The following ARSB variants were observed in gnomAD, a reference collection of about 807,000 sequenced individuals.
ARSB encodes the protein N-acetylgalactosamine-4-sulfatase.
ARSB carries 41 observed loss-of-function variants against 50.9 expected under a neutral mutation model. That is an observed-to-expected ratio of 0.81 (90% CI 0.63 to 1.04). The LOEUF is 1.04. Among genes scored for constraint, ARSB ranks in the 50% least tolerant of loss-of-function variants. The probability of loss-of-function intolerance (pLI) is 0.00; values close to 1 mark genes in which losing one functional copy is unlikely to be tolerated. For synonymous variants in ARSB, 269 were observed against 284.8 expected (o/e 0.94, Z 0.56); for missense variants, 672 against 693.3 (o/e 0.97, Z 0.35).
intron 4 of ARSB, among the ~76,000 whole-genome samples, chr5:78,944,689 C>G (rs1050617451): frequency 4.6e-5 from 7 of 152,344 alleles, no homozygotes; most frequent in African/African-American, 1.7e-4. Flanking sequence ...TCTGCCCCTA[C>G]AAGGGGGTGC....
chr5:78,852,955 C>T (rs570110827), intron 5 of ARSB, among the ~76,000 whole-genome samples: 3,126 of 152,216 alleles, frequency 0.021, 106 homozygotes, highest in African/African-American at 0.069. Context: ...GTTATACATT[C>T]GTCTAAATTT....
chr5:78,820,584 A>G (rs916339152), intron 6 of ARSB, among the ~76,000 whole-genome samples: 4 of 152,288 alleles, frequency 2.6e-5, no homozygotes, highest in Admixed American at 1.3e-4. Flanking sequence ...AAATCATGTA[A>G]ATATACACTG....
chr5:78,856,376 C>T (rs1746143389), intron 5 of ARSB, among the ~76,000 whole-genome samples: 1 of 152,080 alleles, frequency 6.6e-6, no homozygotes, highest in African/African-American at 2.4e-5. Context: ...TAATGGCTTC[C>T]CCTTGAAAAC....
intron 6 of ARSB, among the ~76,000 whole-genome samples, chr5:78,797,184 G>C (rs902833820): frequency 1.3e-5 from 2 of 152,062 alleles, no homozygotes; most frequent in South Asian, 2.1e-4. Flanking sequence ...GGCAGGTCTC[G>C]ATCTCTTGAC....
At chr5:78,819,596 C>G (rs1327268854) in intron 6 of ARSB, among the ~76,000 whole-genome samples, 1 of 152,226 alleles carries the variant, frequency 6.6e-6, no homozygotes, top group Admixed American at 6.5e-5. Flanking sequence ...TGTGCCCTGA[C>G]TAGGTGATGC....
At chr5:78,797,870 G>A (rs1373942944) in intron 6 of ARSB, among the ~76,000 whole-genome samples, 1 of 152,188 alleles carries the variant, frequency 6.6e-6, no homozygotes, top group African/African-American at 2.4e-5. Flanking sequence ...CAGGGAGGAG[G>A]ATGGAATTCT....
intron 4 of ARSB, among the ~76,000 whole-genome samples, chr5:78,901,020 T>A (rs1310811702): frequency 7.5e-6 from 1 of 132,940 alleles, no homozygotes; most frequent in Non-Finnish European, 1.5e-5. Flanking sequence ...CCCTCCAGCC[T>A]GGCGACAGAG....
chr5:78,962,239 C>T (rs1752017238), intron 3 of ARSB, among the ~76,000 whole-genome samples: 1 of 152,164 alleles, frequency 6.6e-6, no homozygotes, highest in Non-Finnish European at 1.5e-5. Flanking sequence ...AAGACTTTAC[C>T]TTGTTAAGTG....
intron 4 of ARSB, among the ~76,000 whole-genome samples, chr5:78,921,710 T>C (rs1259287166): frequency 7.2e-5 from 11 of 152,200 alleles, no homozygotes; most frequent in African/African-American, 1.9e-4. Flanking sequence ...CAACATGCTC[T>C]TGAATAACCA....
At chr5:78,916,130 A>C (rs1206894372) in intron 4 of ARSB, among the ~76,000 whole-genome samples, 2 of 152,212 alleles carry the variant, frequency 1.3e-5, no homozygotes, top group African/African-American at 4.8e-5. Flanking sequence ...AAAATATCCA[A>C]GATACTTACA....
intron 5 of ARSB, among the ~76,000 whole-genome samples, chr5:78,882,613 G>A (rs750277382): frequency 2.6e-5 from 4 of 152,074 alleles, no homozygotes; most frequent in African/African-American, 7.2e-5. Flanking sequence ...AATGTGCAGT[G>A]ACTGAAATAG....
chr5:78,949,287 C>G (rs892079821), intron 4 of ARSB, among the ~76,000 whole-genome samples: 1 of 152,130 alleles, frequency 6.6e-6, no homozygotes, highest in Non-Finnish European at 1.5e-5. Flanking sequence ...TAATCCAACA[C>G]CAGGAAGCTA....
chr5:78,981,948 G>A (rs1372294072), intron 1 of ARSB, among the ~76,000 whole-genome samples: 2 of 23,128 alleles, frequency 8.6e-5, no homozygotes, highest in African/African-American at 1.3e-4. Flanking sequence ...ACGGAGTCTC[G>A]CTCTGTCGCC....
At chr5:78,909,943 C>G (rs1403563246) in intron 4 of ARSB, among the ~76,000 whole-genome samples, 2 of 152,224 alleles carry the variant, frequency 1.3e-5, no homozygotes, top group African/African-American at 4.8e-5. Flanking sequence ...AAAAGCCGCC[C>G]TGTGGCGGGA....
At chr5:78,815,576 G>A (rs1743957620) in intron 6 of ARSB, 1 of 987,308 alleles carries the variant, frequency 1.0e-6, no homozygotes, top group South Asian at 4.6e-5. Context: ...ACATTTTCCT[G>A]AAGATGGCTT....
In ARSB at chr5:78,985,220, G is replaced by A. The variant is rs757310157; in HGVS notation, c.29C>T (p.Pro10Leu). The change falls in exon 1 of 8, where the codon CCC (proline) becomes CTC (leucine). Residue 10 changes from proline to leucine, a missense_variant. Transcript: ENST00000264914. ...CAGCCGCCGAGGTCCGGGGCCTCGG[G>A]GCAAGCTCGCCGCGCCGCGCGGACC... MGPRGAASL[P>L]RGPGPRRLLL... is the part of the protein sequence containing the mutation. 39 of 1,339,156 alleles carry A rather than the reference G, an allele frequency of 2.9e-5. No homozygotes were observed. Among genetic ancestry groups the A allele is most frequent in the Middle Eastern group, 2.7e-4 (1 of 3,684 alleles). The allele number at this position is 1,339,156 out of a possible 1,614,324, so 83.0% of individuals were successfully genotyped here.
At chr5:78,977,266 G>T (rs568116613) in intron 1 of ARSB, among the ~76,000 whole-genome samples, 1 of 150,936 alleles carries the variant, frequency 6.6e-6, no homozygotes, top group Non-Finnish European at 1.5e-5. Flanking sequence ...CAATTCTCCC[G>T]CCTCAGCCTC....
At chr5:78,967,875 GATGGGAGGTAGGTAGGTAGCTAAAT>G (rs1373984369) in intron 2 of ARSB, among the ~76,000 whole-genome samples, 13 of 152,098 alleles carry the variant, frequency 8.5e-5, no homozygotes, top group Non-Finnish European at 1.5e-5. Context: ...TAAATGAACA[GATGGGAGGTAGGTAGGTAGCTAAAT>G]AGCTAAACAG....
At chr5:78,880,876 A>T (rs1747714424) in intron 5 of ARSB, among the ~76,000 whole-genome samples, 1 of 152,176 alleles carries the variant, frequency 6.6e-6, no homozygotes, top group Admixed American at 6.5e-5. Context: ...AAAACTGCAA[A>T]AAACATTACT....
Sources: gnomAD v4.1 joint callset for allele counts (sites outside exome capture counted in the v4.1 genomes callset) on GRCh38, gnomAD v4.1.1 for gene constraint, MANE v1.5 for transcripts, NCBI Gene and HGNC (gene_info 2026-07-23, HGNC 2026-07-21) for gene names.